The following RIN3 variants were observed in gnomAD, a reference collection of about 807,000 sequenced individuals.
RIN3 encodes Ras and Rab interactor 3, also known as RAB5 interacting protein 3.
RIN3 carries 54 observed loss-of-function variants against 76.3 expected under a neutral mutation model. The observed-to-expected ratio is 0.71, with a 90% CI of 0.57 to 0.89. The LOEUF (loss-of-function observed/expected upper bound fraction) is 0.89. Ranked by LOEUF, RIN3 falls within the 40% of genes least tolerant of loss-of-function variation. The pLI is 0.00. For synonymous variants in RIN3, 576 were observed against 564.0 expected (o/e 1.02, Z -0.30); for missense variants, 1,256 against 1,322.1 (o/e 0.95, Z 0.78).
At chr14:92,654,861 A>G (rs955121511) in intron 6 of RIN3, among the ~76,000 whole-genome samples, 1 of 152,174 alleles carries the variant, frequency 6.6e-6, no homozygotes, top group Non-Finnish European at 1.5e-5. Flanking sequence ...ATCAGAGGTG[A>G]CAGGCAATCA....
intron 1 of RIN3, among the ~76,000 whole-genome samples, chr14:92,536,456 G>T (rs192875319): frequency 9.2e-5 from 14 of 152,264 alleles, no homozygotes; most frequent in Admixed American, 7.2e-4. Flanking sequence ...AAAACTGCCA[G>T]GGTTCAGCCG....
At chr14:92,659,780 G>A (rs1223937847) in intron 7 of RIN3, among the ~76,000 whole-genome samples, 1 of 152,222 alleles carries the variant, frequency 6.6e-6, no homozygotes, top group Non-Finnish European at 1.5e-5. Flanking sequence ...GATACCACAA[G>A]CTGAGTGGCT....
In RIN3 at chr14:92,623,295, C is replaced by A. The variant is rs906267632; in HGVS notation, c.440+7816C>A. Among the ~76,000 whole-genome samples, 2 of 152,184 alleles carry A rather than the reference C, an allele frequency of 1.3e-5. No individual in the cohort carries two copies. The highest frequency in any genetic ancestry group is 6.5e-5 in the Admixed American group (1 of 15,278). On this transcript the variant is annotated intron_variant, in intron 4 of 9. Coordinates refer to ENST00000216487, the MANE Select transcript of RIN3 (RefSeq NM_024832.5). The surrounding 1 kb of genome is among the most constrained non-coding windows in gnomAD (Gnocchi z 4.9). ...GTTCCTATCATAACACAAACTCCACCTTTTTCTGCTAATATCATATCTAAG... is the reference window on the plus strand; with the variant it reads ...GTTCCTATCATAACACAAACTCCACATTTTTCTGCTAATATCATATCTAAG...
rs185645747 is a variant in RIN3, at chr14:92,576,681, C to T, written c.250-679C>T. On this transcript the variant is annotated intron_variant, in intron 2 of 9. Coordinates refer to ENST00000216487, the MANE Select transcript of RIN3 (RefSeq NM_024832.5). ...TCACACCAGCTGGAGGAGGGGACGT[C>T]CTGTTATAATCAGAGAGTACCTCAG... 9.2e-5 allele frequency among the ~76,000 whole-genome samples: 14 copies of T among 152,256 alleles called. No homozygotes were observed. In the East Asian group the frequency reaches 2.7e-3, roughly 29 times the overall value.
chr14:92,666,696 T>C (rs1051233305), intron 7 of RIN3, among the ~76,000 whole-genome samples: 2 of 152,190 alleles, frequency 1.3e-5, no homozygotes, highest in Non-Finnish European at 2.9e-5. Context: ...CTAAGACTAG[T>C]CATTCGGAGC....
intron 2 of RIN3, among the ~76,000 whole-genome samples, chr14:92,565,830 A>G (rs1897902029): frequency 6.6e-6 from 1 of 151,368 alleles, no homozygotes; most frequent in Non-Finnish European, 1.5e-5. Flanking sequence ...TCTTGTGCTG[A>G]CCTCCTGTCT....
At chr14:92,661,093 A>T (rs548400280) in intron 7 of RIN3, among the ~76,000 whole-genome samples, 21 of 152,230 alleles carry the variant, frequency 1.4e-4, no homozygotes, top group Non-Finnish European at 2.6e-4. Flanking sequence ...TACAGAGAGG[A>T]TAAAAGACCC....
chr14:92,553,516 C>G (rs1566839674), intron 1 of RIN3, among the ~76,000 whole-genome samples: 1 of 152,134 alleles, frequency 6.6e-6, no homozygotes, highest in Non-Finnish European at 1.5e-5. Context: ...AATTCCACAG[C>G]CTGTGGACTT....
chr14:92,513,911 C>T lies in RIN3; in HGVS notation c.-22C>T, dbSNP rs1896361616. The T allele has an allele frequency of 1.6e-6, 2 of 1,254,730 alleles. No individual in the cohort carries two copies. The highest frequency in any genetic ancestry group is 1.0e-6 in the Non-Finnish European group (1 of 999,868). 77.7% of individuals were successfully genotyped at this position (1,254,730 alleles called of 1,614,324 possible). On this transcript the variant is annotated 5_prime_UTR_variant, in exon 1 of 10. Transcript: ENST00000216487. ...CCCGGCGCCTGAGCGCCTCCGTTCC[C>T]CGTCCCGGAGCTGCCGGCGGCATGA...
intron 4 of RIN3, among the ~76,000 whole-genome samples, chr14:92,624,076 G>C (rs951905608): frequency 3.9e-5 from 6 of 152,250 alleles, no homozygotes; most frequent in African/African-American, 1.4e-4. Flanking sequence ...GCGCACAAGC[G>C]TAACAGTCGC....
chr14:92,621,947 G>A (rs750288486), intron 4 of RIN3, among the ~76,000 whole-genome samples: 4 of 152,144 alleles, frequency 2.6e-5, no homozygotes, highest in Non-Finnish European at 5.9e-5. Flanking sequence ...CCAAAATTTC[G>A]GGTAAAGCAG....
At chr14:92,571,090 A>G (rs1469377286) in intron 2 of RIN3, among the ~76,000 whole-genome samples, 1 of 152,226 alleles carries the variant, frequency 6.6e-6, no homozygotes, top group Admixed American at 6.5e-5. Context: ...AACTGGTCCA[A>G]CGGTGTTCAA....
At position 92,651,868 on chromosome 14, in the gene RIN3, C is replaced by A. The variant is rs764422152; in HGVS notation, c.819C>A (p.Ser273=). The change falls in exon 6 of 10, where the codon TCC becomes TCA. Residue 273 remains serine, a synonymous_variant. Coordinates refer to ENST00000216487, the MANE Select transcript of RIN3 (RefSeq NM_024832.5). The part of the protein sequence containing the change: ...PPTSDATSPT[S]RWAPRRPPPP... Reference sequence around the variant, plus strand: ...CCTCTGATGCCACCTCACCCACCTCCAGGTGGGCCCCACGCCGCCCACCAC... The same window carrying A: ...CCTCTGATGCCACCTCACCCACCTCAAGGTGGGCCCCACGCCGCCCACCAC... 2.5e-6 allele frequency: 4 copies of A among 1,608,314 alleles called. No homozygotes were observed. The South Asian group carries it at 4.4e-5, about 18-fold the overall frequency.
chr14:92,687,543 T>A lies in RIN3; in HGVS notation c.2632-383T>A, dbSNP rs142791280. On this transcript the variant is annotated intron_variant, in intron 9 of 9. Coordinates refer to ENST00000216487, the MANE Select transcript of RIN3 (RefSeq NM_024832.5). ...GGGCGGGCTCGCACCTCCCTTCTTA[T>A]CTGTGCTGCCCTCCGTGCCCAGCAT... 5.7e-3 allele frequency: 1,379 copies of A among 240,490 alleles called. 7 individuals are homozygous for A. The highest frequency in any genetic ancestry group is 8.6e-3 in the Admixed American group (153 of 17,792). The allele number at this position is 240,490 out of a possible 1,614,324, so 14.9% of individuals were successfully genotyped here. A position where few individuals can be genotyped will look rare whatever the true frequency, so the allele number is the denominator to read the frequency against.
chr14:92,654,314 A>G (rs978070971), intron 6 of RIN3, among the ~76,000 whole-genome samples: 1 of 63,540 alleles, frequency 1.6e-5, no homozygotes, highest in African/African-American at 3.5e-5. Context: ...AACTCTGTCT[A>G]AAAAAAAAAA....
chr14:92,584,156 G>A (rs987635155), intron 3 of RIN3, among the ~76,000 whole-genome samples: 1 of 152,114 alleles, frequency 6.6e-6, no homozygotes, highest in Non-Finnish European at 1.5e-5. Context: ...GTTTCTGAGG[G>A]GGTGGGGGGG....
intron 5 of RIN3, among the ~76,000 whole-genome samples, chr14:92,650,451 T>G (rs145082426): frequency 4.6e-5 from 7 of 152,320 alleles, no homozygotes; most frequent in African/African-American, 9.6e-5. Flanking sequence ...GGATGTTTGC[T>G]CCTCTGATTA....
intron 4 of RIN3, among the ~76,000 whole-genome samples, chr14:92,624,724 G>C (rs111867302): frequency 3.3e-5 from 5 of 152,294 alleles, no homozygotes; most frequent in African/African-American, 1.2e-4. Context: ...TAATAATGAG[G>C]TGGCTAGCAA....
chr14:92,629,083 C>T (rs570243958), intron 4 of RIN3, among the ~76,000 whole-genome samples: 22 of 151,412 alleles, frequency 1.5e-4, no homozygotes, highest in South Asian at 2.1e-4. Flanking sequence ...CGTATTTAGG[C>T]GCTGCCCACC....
Sources: gnomAD v4.1 joint callset for allele counts (sites outside exome capture counted in the v4.1 genomes callset) on GRCh38, gnomAD v4.1.1 for gene constraint, Gnocchi (gnomAD v3.1) non-coding constraint, MANE v1.5 for transcripts, NCBI Gene and HGNC (gene_info 2026-07-23, HGNC 2026-07-21) for gene names.